Variants in PPIG observed in about 807,000 individuals in gnomAD.
PPIG encodes the protein peptidylprolyl isomerase G, also known as peptidyl-prolyl cis-trans isomerase G.
In PPIG, 26 loss-of-function variants were observed where a neutral mutation model predicts 87.9. The ratio of observed to expected loss-of-function variants is 0.30; its 90% CI spans 0.22 to 0.41. PPIG has a LOEUF of 0.41. Among genes scored for constraint, PPIG ranks in the 10% least tolerant of loss-of-function variants. The pLI is 1.00. For missense variants in PPIG, 722 were observed against 879.4 expected, an observed-to-expected ratio of 0.82 and a Z score of 2.26; for synonymous variants, 308 against 276.5, an observed-to-expected ratio of 1.11 and a Z score of -1.13.
intron 9 of PPIG, among the ~76,000 whole-genome samples, chr2:169,615,141 C>T (rs1423802092): frequency 6.6e-6 from 1 of 152,006 alleles, no homozygotes; most frequent in Non-Finnish European, 1.5e-5. Flanking sequence ...CTCCGTCTCC[C>T]GGGTTGAAGC....
intron 5 of PPIG, among the ~76,000 whole-genome samples, chr2:169,606,389 C>A (rs1248771919): frequency 6.6e-6 from 1 of 151,712 alleles, no homozygotes; most frequent in Non-Finnish European, 1.5e-5. Flanking sequence ...GTCAGTAGTT[C>A]GAGACCAGCC....
chr2:169,635,672 G>C (rs1270654683), intron 12 of PPIG, among the ~76,000 whole-genome samples: 2 of 152,130 alleles, frequency 1.3e-5, no homozygotes, highest in Non-Finnish European at 2.9e-5. Flanking sequence ...AGAAATATTT[G>C]CTTTGAAACA....
At chr2:169,596,582 C>G (rs1162879090) in intron 1 of PPIG, among the ~76,000 whole-genome samples, 2 of 152,198 alleles carry the variant, frequency 1.3e-5, no homozygotes, top group African/African-American at 4.8e-5. Flanking sequence ...TGAAGGGCCT[C>G]ACTCCCCATG....
intron 12 of PPIG, among the ~76,000 whole-genome samples, chr2:169,635,090 ATAT>A (rs1168261263): frequency 1.3e-5 from 2 of 152,224 alleles, no homozygotes; most frequent in African/African-American, 4.8e-5. Context: ...AAATATTGTG[ATAT>A]TATTATGAAA....
chr2:169,633,775 G>T (rs1574465759), intron 12 of PPIG, among the ~76,000 whole-genome samples: 1 of 151,492 alleles, frequency 6.6e-6, no homozygotes, highest in Non-Finnish European at 1.5e-5. Flanking sequence ...AATTCCAGTG[G>T]ATTCTTTTCA....
Position 169,614,577 on chromosome 2 carries a change from C to A in PPIG, c.408-8C>A. On this transcript the variant is annotated splice_region_variant and splice_polypyrimidine_tract_variant and intron_variant, in intron 8 of 13. Coordinates refer to ENST00000260970, the MANE Select transcript of PPIG (RefSeq NM_004792.3). ...TTTTATTTAATAATTTTTTACTTGA[C>A]ACTTTAGGCATCATGTTGTTTTTGG... 6.3e-6 allele frequency: 10 copies of A among 1,588,034 alleles called. No homozygotes were observed. The highest frequency in any genetic ancestry group is 8.5e-6 in the Non-Finnish European group (10 of 1,172,632).
chr2:169,623,553 T>G (rs1186691507), intron 9 of PPIG, among the ~76,000 whole-genome samples: 1 of 152,196 alleles, frequency 6.6e-6, no homozygotes, highest in Non-Finnish European at 1.5e-5. Context: ...GGAGGCAGAT[T>G]GCCTGACAAT....
At position 169,604,195 on chromosome 2, in the gene PPIG, G is replaced by C; in HGVS notation, c.70G>C (p.Val24Leu). Residue 24 changes from valine to leucine, a missense_variant, in exon 4 of 14, where the codon GTT (valine) becomes CTT (leucine). This residue lies in a region of PPIG where 99 missense variants were observed against 215.8 expected (regional missense o/e 0.46). Transcript: ENST00000260970. ...IAINNQPAGRVVFELFSDVCP... is the reference protein window; with the variant it reads ...IAINNQPAGRLVFELFSDVCP... ...ACTACCTTCTTTTTCAGCTGGAAGA[G>C]TTGTCTTTGAATTATTTTCTGATGT... is the stretch of plus-strand genomic sequence containing the variant. 1 of 1,613,340 alleles carries C rather than the reference G, an allele frequency of 6.2e-7. No homozygotes were observed. The highest frequency in any genetic ancestry group is 8.5e-7 in the Non-Finnish European group (1 of 1,179,762).
At chr2:169,628,834 TACTC>T (rs780046432) in intron 9 of PPIG, among the ~76,000 whole-genome samples, 8 of 150,514 alleles carry the variant, frequency 5.3e-5, no homozygotes, top group Admixed American at 2.7e-4. Flanking sequence ...TGTTTCCAGT[TACTC>T]AGGAGGCCGA....
chr2:169,622,120 T>C (rs1685774327), intron 9 of PPIG, among the ~76,000 whole-genome samples: 1 of 152,002 alleles, frequency 6.6e-6, no homozygotes, highest in African/African-American at 2.4e-5. Context: ...AGAAAGAGAT[T>C]GAGGTAATAA....
In PPIG at chr2:169,630,795, G is replaced by C. The variant is rs1284846921; in HGVS notation, c.569G>C (p.Arg190Thr). Reference sequence around the variant, plus strand: ...AAAGTTAAGAAAGAAGAAAAGAAAAGGCATAAATCATCATCATCTTCCTCC... The same window carrying C: ...AAAGTTAAGAAAGAAGAAAAGAAAACGCATAAATCATCATCATCTTCCTCC... ...KSKVKKEEKK[R>T]HKSSSSSSSS... Residue 190 changes from arginine (R) to threonine (T), a missense_variant, in exon 10 of 14, where the codon AGG becomes ACG. Physicochemically the swap from Arg to Thr is moderately conservative, Grantham distance 71. This residue lies in a region of PPIG where 142 missense variants were observed against 152.8 expected (regional missense o/e 0.93). Transcript: ENST00000260970. The C allele has an allele frequency of 6.2e-7, 1 of 1,603,668 alleles. No homozygotes were observed. The highest frequency in any genetic ancestry group is 8.5e-7 in the Non-Finnish European group (1 of 1,177,372).
At chr2:169,627,690 A>G (rs558236037) in intron 9 of PPIG, among the ~76,000 whole-genome samples, 40 of 133,598 alleles carry the variant, frequency 3.0e-4, no homozygotes, top group Non-Finnish European at 5.7e-4. Flanking sequence ...CCATGCCCCT[A>G]GCCAGTGGGC....
At chr2:169,593,628 T>C (rs1469639991) in intron 1 of PPIG, among the ~76,000 whole-genome samples, 1 of 151,632 alleles carries the variant, frequency 6.6e-6, no homozygotes, top group African/African-American at 2.4e-5. Context: ...ATCATCATTA[T>C]GTTGCATATG....
At chr2:169,603,978 A>G in intron 2 of PPIG, 48 bp from the exon 3 acceptor site, 3 of 1,425,988 alleles carry the variant, frequency 2.1e-6, no homozygotes, top group Non-Finnish European at 2.9e-6. Flanking sequence ...TTTGTGAAAG[A>G]TCTTTGCTAT....
Position 169,584,449 on chromosome 2 carries a change from A to C in PPIG, c.-111A>C, listed in dbSNP as rs561863307. 9 of 471,108 alleles carry C rather than the reference A, an allele frequency of 1.9e-5. No homozygotes were observed. Among genetic ancestry groups the C allele is most frequent in the South Asian group, 1.4e-4 (9 of 64,574 alleles). 29.2% of individuals were successfully genotyped at this position (471,108 alleles called of 1,614,324 possible). On this transcript the variant is annotated 5_prime_UTR_variant, in exon 1 of 14. Coordinates refer to ENST00000260970, the MANE Select transcript of PPIG (RefSeq NM_004792.3). ...GGCGGCGGTAGATTTGAAGCGCTTC[A>C]AAGGACCGGACCCAGAGAAGAGGAA...
chr2:169,603,213 A>T (rs938181580), intron 1 of PPIG, among the ~76,000 whole-genome samples: 1 of 152,176 alleles, frequency 6.6e-6, no homozygotes. Context: ...TACTATTTAC[A>T]CTTAGTGCCT....
At chr2:169,600,910 A>G in intron 1 of PPIG, among the ~76,000 whole-genome samples, 1 of 149,392 alleles carries the variant, frequency 6.7e-6, no homozygotes, top group East Asian at 2.0e-4. Context: ...ATACATGAAC[A>G]TATTCTTATT....
chr2:169,641,194 A>G lies in PPIG; in HGVS notation c.*3671A>G, dbSNP rs1436908978. 1 of 152,194 alleles carries G rather than the reference A, an allele frequency of 6.6e-6. No individual in the cohort carries two copies. The highest frequency in any genetic ancestry group is 1.5e-5 in the Non-Finnish European group (1 of 68,028). The allele number at this position is 152,194 out of a possible 1,614,324, so 9.4% of individuals were successfully genotyped here. A position where few individuals can be genotyped will look rare whatever the true frequency, so the allele number is the denominator to read the frequency against. On this transcript the variant is annotated 3_prime_UTR_variant, in exon 14 of 14. Transcript: ENST00000260970. ...GTTAATGCACTTCTTTTCCTAGCCC[A>G]AAAGTCACTGTGATTATATTTTTTT... is the stretch of plus-strand genomic sequence containing the variant.
Position 169,636,956 on chromosome 2 carries a change from C to G in PPIG, c.1698C>G (p.Ser566Arg), listed in dbSNP as rs775724402. The change falls in exon 14 of 14, where the codon AGC (serine) becomes AGG (arginine). Residue 566 changes from serine (S) to arginine (R), a missense_variant. Physicochemically the swap from Ser to Arg is moderately radical, Grantham distance 110 (BLOSUM62 -1). Around this residue, in one of 4 missense-constraint regions of PPIG, gnomAD observed 476 missense variants for 483.1 expected, o/e 0.99. Transcript: ENST00000260970. ...HSYNSRTRER[S>R]RSRDRSRRVR... is the part of the protein sequence containing the mutation. ...ATAATAGCAGAACAAGAGAACGAAGCAGAAGTAGGGACAGAAGCAGAAGAG... is the reference window on the plus strand; with the variant it reads ...ATAATAGCAGAACAAGAGAACGAAGGAGAAGTAGGGACAGAAGCAGAAGAG... 6.2e-7 allele frequency: 1 copy of G among 1,613,774 alleles called. No homozygotes were observed. The highest frequency in any genetic ancestry group is 1.7e-5 in the Admixed American group (1 of 59,968).
Sources: allele counts gnomAD v4.1 joint callset (sites outside exome capture counted in the v4.1 genomes callset), GRCh38; gene constraint gnomAD v4.1.1; regional missense constraint gnomAD v4.1.1; transcripts MANE v1.5; gene names NCBI Gene and HGNC (gene_info 2026-07-23, HGNC 2026-07-21).